Variants in TSGA10 observed in about 807,000 individuals in gnomAD.
TSGA10 encodes the protein testis specific 10.
A neutral mutation model predicts 96.6 loss-of-function variants in TSGA10; 43 were observed. The ratio of observed to expected loss-of-function variants is 0.44; its 90% CI spans 0.35 to 0.57. The LOEUF (loss-of-function observed/expected upper bound fraction) is 0.57. Ranked by LOEUF, TSGA10 falls within the 20% of genes least tolerant of loss-of-function variation. The pLI, the probability that TSGA10 is intolerant of heterozygous loss-of-function variation, is 0.01. For missense variants in TSGA10, 703 were observed against 834.4 expected, an observed-to-expected ratio of 0.84 and a Z score of 1.94; for synonymous variants, 229 against 269.9, an observed-to-expected ratio of 0.85 and a Z score of 1.48.
chr2:99,138,230 A>G, intron 1 of TSGA10, among the ~76,000 whole-genome samples: 1 of 152,164 alleles, frequency 6.6e-6, no homozygotes, highest in East Asian at 1.9e-4. Flanking sequence ...TCTCACCCTC[A>G]GCTCTTTGGC....
intron 17 of TSGA10, among the ~76,000 whole-genome samples, chr2:99,026,391 C>CA (rs1344773551): frequency 6.6e-6 from 1 of 151,662 alleles, no homozygotes; most frequent in Non-Finnish European, 1.5e-5. Context: ...GAAAGGACAA[C>CA]AAAAATATAC....
intron 16 of TSGA10, among the ~76,000 whole-genome samples, chr2:99,040,797 TA>T (rs2082115502): frequency 6.6e-6 from 1 of 151,756 alleles, no homozygotes; most frequent in Non-Finnish European, 1.5e-5. Context: ...CGTATATGAC[TA>T]AAAAAGAGCC....
chr2:99,055,151 G>A (rs1372031180), intron 16 of TSGA10, among the ~76,000 whole-genome samples: 1 of 152,106 alleles, frequency 6.6e-6, no homozygotes, highest in Non-Finnish European at 1.5e-5. Context: ...GTGGTATATA[G>A]ATATACAATG....
At position 98,997,278 on chromosome 2, in the gene TSGA10, C is replaced by CT. The variant is rs1460528679; in HGVS notation, c.*918dup. 3.9e-5 allele frequency: 6 copies of CT among 151,954 alleles called. No individual in the cohort carries two copies. In the South Asian group the frequency reaches 1.0e-3, roughly 26 times the overall value. 9.4% of individuals were successfully genotyped at this position (151,954 alleles called of 1,614,324 possible). On this transcript the variant is annotated 3_prime_UTR_variant, in exon 21 of 21. Transcript: ENST00000393483. Reference sequence around the variant, plus strand: ...CATATGAATACTATTAATGACAAGCCTTTTTTTATTAAAATGGCAAGAATA... The same window carrying CT: ...CATATGAATACTATTAATGACAAGCCTTTTTTTTATTAAAATGGCAAGAATA...
At position 99,045,142 on chromosome 2, in the gene TSGA10, A is replaced by C. The variant is rs190018577; in HGVS notation, c.1405-9703T>G. Reference sequence around the variant, plus strand: ...AGAACTAGAGAAGCAAGAGCAAACAAATTCAAAAGCTAGCAGAAGACAAGA... The same window carrying C: ...AGAACTAGAGAAGCAAGAGCAAACACATTCAAAAGCTAGCAGAAGACAAGA... On this transcript the variant is annotated intron_variant, in intron 16 of 20. Transcript: ENST00000393483. 5.8e-3 allele frequency among the ~76,000 whole-genome samples: 887 copies of C among 152,184 alleles called. 10 individuals carry two copies. Among genetic ancestry groups the C allele is most frequent in the African/African-American group, 0.02 (850 of 41,534 alleles).
intron 6 of TSGA10, 22 bp downstream of exon 6, chr2:99,109,366 AT>A (rs779010903): frequency 2.5e-6 from 4 of 1,612,426 alleles, no homozygotes; most frequent in Non-Finnish European, 3.4e-6. Context: ...ACTCCAAAAT[AT>A]TTGTAAGTTT....
In TSGA10 at chr2:99,064,994, G is replaced by A; in HGVS notation, c.1349C>T (p.Ala450Val). The stretch of plus-strand genomic sequence containing the variant: ...TTTTTCTTTTAATCTGTTACCCTCT[G>A]CCTCAGCAGTGATAAGTTCCAGTTT... ...TLKLELITAE[A>V]EGNRLKEKVD... The change falls in exon 16 of 21, where the codon GCA becomes GTA. Residue 450 changes from alanine to valine, a missense_variant. Coordinates refer to ENST00000393483, the MANE Select transcript of TSGA10 (RefSeq NM_025244.4). The A allele has an allele frequency of 6.2e-7, 1 of 1,611,870 alleles. No homozygotes were observed.
chr2:99,133,548 G>A (rs1255483332), intron 1 of TSGA10, among the ~76,000 whole-genome samples: 1 of 152,160 alleles, frequency 6.6e-6, no homozygotes, highest in East Asian at 1.9e-4. Context: ...CAATTTGCCA[G>A]TCTGTGTCTT....
intron 16 of TSGA10, among the ~76,000 whole-genome samples, chr2:99,051,477 T>A (rs1234013119): frequency 6.6e-6 from 1 of 151,992 alleles, no homozygotes; most frequent in African/African-American, 2.4e-5. Flanking sequence ...AAGCACTAAG[T>A]AAATGAACCA....
chr2:99,043,673 T>G (rs939927142), intron 16 of TSGA10, among the ~76,000 whole-genome samples: 1 of 152,068 alleles, frequency 6.6e-6, no homozygotes, highest in Admixed American at 6.6e-5. Flanking sequence ...TCCAATAATA[T>G]TAACAACTGG....
chr2:99,150,154 C>T (rs1189455291), intron 1 of TSGA10, among the ~76,000 whole-genome samples: 2 of 152,118 alleles, frequency 1.3e-5, no homozygotes, highest in Non-Finnish European at 1.5e-5. Flanking sequence ...TAGCAGAGTA[C>T]TTGGCCTTCA....
chr2:99,065,154 A>G, intron 15 of TSGA10, 30 bp from the exon 16 acceptor site: 1 of 1,601,464 alleles, frequency 6.2e-7, no homozygotes, highest in Non-Finnish European at 8.5e-7. Context: ...TATTACTTTA[A>G]AATGCTGAAC....
At position 99,154,689 on chromosome 2, in the gene TSGA10, C is replaced by A; in HGVS notation, c.-621+4G>T. ...CCTCCAACCTGGCACGCCCGCTCTC[C>A]TACCTTCGCCCAGGGCTGGCCGTTA... On this transcript the variant is annotated splice_donor_region_variant and intron_variant, in intron 1 of 20. Transcript: ENST00000393483. 1 of 209,482 alleles carries A rather than the reference C, an allele frequency of 4.8e-6. No individual in the cohort carries two copies. The allele number at this position is 209,482 out of a possible 1,614,324, so 13.0% of individuals were successfully genotyped here.
intron 17 of TSGA10, 84 bp downstream of exon 17, chr2:99,035,146 A>T: frequency 1.0e-6 from 1 of 954,910 alleles, no homozygotes; most frequent in Non-Finnish European, 1.5e-6. Context: ...ATGTAATATT[A>T]CATAAAAAAG....
chr2:99,029,470 A>G (rs1051735585), intron 17 of TSGA10, among the ~76,000 whole-genome samples: 4 of 152,328 alleles, frequency 2.6e-5, no homozygotes, highest in African/African-American at 7.2e-5. Context: ...AAAGGTCCAG[A>G]TAGTGCTTTA....
intron 20 of TSGA10, among the ~76,000 whole-genome samples, chr2:99,013,758 G>A (rs530919051): frequency 1.8e-4 from 27 of 152,006 alleles, no homozygotes; most frequent in African/African-American, 6.3e-4. Context: ...GCTCATGCCT[G>A]TAATCCCAGC....
At chr2:99,003,492 T>C (rs527713190) in intron 20 of TSGA10, among the ~76,000 whole-genome samples, 1 of 152,316 alleles carries the variant, frequency 6.6e-6, no homozygotes, top group Non-Finnish European at 1.5e-5. Flanking sequence ...ATAAAAAGAA[T>C]ATACATTCTT....
intron 1 of TSGA10, among the ~76,000 whole-genome samples, chr2:99,144,688 G>C (rs148107834): frequency 7.3e-6 from 1 of 137,048 alleles, no homozygotes; most frequent in African/African-American, 2.6e-5. Flanking sequence ...GAAAGCATGA[G>C]GATAAGTCTG....
intron 1 of TSGA10, among the ~76,000 whole-genome samples, chr2:99,130,973 T>C (rs979363304): frequency 3.3e-5 from 5 of 152,236 alleles, no homozygotes; most frequent in Admixed American, 2.0e-4. Context: ...TTCTGTTCCA[T>C]TGGTATATAT....
Sources: allele counts gnomAD v4.1 joint callset (sites outside exome capture counted in the v4.1 genomes callset), GRCh38; gene constraint gnomAD v4.1.1; transcripts MANE v1.5; gene names NCBI Gene and HGNC (gene_info 2026-07-23, HGNC 2026-07-21).